The following GPRC5B variants were observed in gnomAD, a reference collection of about 807,000 sequenced individuals.
GPRC5B encodes the protein G protein-coupled receptor family C group 5 member B.
A neutral mutation model predicts 30.1 loss-of-function variants in GPRC5B; 16 were observed. The ratio of observed to expected loss-of-function variants is 0.53; its 90% CI spans 0.36 to 0.81. The LOEUF (loss-of-function observed/expected upper bound fraction) is 0.81, where lower values mean the gene tolerates loss of function less well. Ranked by LOEUF, GPRC5B falls within the 30% of genes least tolerant of loss-of-function variation. The probability of loss-of-function intolerance (pLI) is 0.01; values close to 1 mark genes in which losing one functional copy is unlikely to be tolerated. For missense variants in GPRC5B, 428 were observed against 544.7 expected (o/e 0.79, Z 2.13); for synonymous variants, 241 against 239.5 (o/e 1.01, Z -0.06).
intron 1 of GPRC5B, among the ~76,000 whole-genome samples, chr16:19,875,307 G>A (rs991104198): frequency 3.9e-5 from 6 of 152,202 alleles, no homozygotes; most frequent in South Asian, 4.1e-4. Context: ...CCCAGGCATC[G>A]GTCGGCCTGC....
chr16:19,872,865 G>A lies in GPRC5B; in HGVS notation c.-1-19C>T. The A allele has an allele frequency of 2.5e-6, 4 of 1,579,732 alleles. No homozygotes were observed. The highest frequency in any genetic ancestry group is 3.5e-6 in the Non-Finnish European group (4 of 1,152,246). On this transcript the variant is annotated intron_variant, in intron 1 of 3. Coordinates refer to ENST00000300571, the MANE Select transcript of GPRC5B (RefSeq NM_016235.3). The surrounding 1 kb of genome is among the most constrained non-coding windows in gnomAD (Gnocchi z 5.0). ...GAACATTCTAGAAAAGCCAAGAGGG[G>A]AATGGTTGGGGGGAAGGAAAGATGA...
At chr16:19,873,300 T>TA (rs1379561500) in intron 1 of GPRC5B, among the ~76,000 whole-genome samples, 2 of 151,530 alleles carry the variant, frequency 1.3e-5, no homozygotes, top group African/African-American at 4.8e-5. Context: ...CCGTCTCTAC[T>TA]AAAAAATACA....
At chr16:19,871,688 T>C (rs2056720502) in intron 2 of GPRC5B, 128 bp downstream of exon 2, 1 of 792,702 alleles carries the variant, frequency 1.3e-6, no homozygotes, top group African/African-American at 1.7e-5. Context: ...GAGTCAACAT[T>C]TGTGGGTTCT....
intron 1 of GPRC5B, among the ~76,000 whole-genome samples, chr16:19,878,717 G>A (rs1434704121): frequency 6.6e-6 from 1 of 152,176 alleles, no homozygotes; most frequent in East Asian, 1.9e-4. Context: ...CACTTGGGCA[G>A]TGCTCACAAT....
intron 2 of GPRC5B, among the ~76,000 whole-genome samples, chr16:19,864,015 T>C (rs894461249): frequency 2.0e-5 from 3 of 151,978 alleles, no homozygotes; most frequent in African/African-American, 4.8e-5. Context: ...CCTACTCACA[T>C]TGGATTTTTT....
At chr16:19,867,290 T>C (rs1369833120) in intron 2 of GPRC5B, among the ~76,000 whole-genome samples, 1 of 152,222 alleles carries the variant, frequency 6.6e-6, no homozygotes, top group African/African-American at 2.4e-5. Context: ...TGGCTCTGCC[T>C]GGATTTAAAC....
At position 19,872,520 on chromosome 16, in the gene GPRC5B, AGCCCAAAGAG is replaced by A; in HGVS notation, c.316_325del (p.Leu106Ter). 6.2e-7 allele frequency: 1 copy of A among 1,614,094 alleles called. No individual in the cohort carries two copies. The highest frequency in any genetic ancestry group is 8.5e-7 in the Non-Finnish European group (1 of 1,179,906). On this transcript the variant is annotated frameshift_variant, in exon 2 of 4. Transcript: ENST00000300571. LOFTEE classifies it high-confidence loss of function. The surrounding 1 kb of genome is among the most constrained non-coding windows in gnomAD (Gnocchi z 5.0). ...CTCCTGGATGATGAAGGCAAACGTCAGCCCAAAGAGGCCCAGGGTCCCCAGGAGGAACAGA... is the reference window on the plus strand; with the variant it reads ...CTCCTGGATGATGAAGGCAAACGTCAGCCCAGGGTCCCCAGGAGGAACAGA...
intron 2 of GPRC5B, among the ~76,000 whole-genome samples, chr16:19,865,874 A>C (rs2056662293): frequency 6.6e-6 from 1 of 152,188 alleles, no homozygotes; most frequent in Non-Finnish European, 1.5e-5. Context: ...GAGAGCTTAA[A>C]AAATACCTAA....
chr16:19,885,020 C>A (rs1008231631), upstream of GPRC5B: 15 of 571,188 alleles, frequency 2.6e-5, no homozygotes, highest in Non-Finnish European at 3.7e-5. This position sits in a 1 kb window ranked among gnomAD's most constrained non-coding sequence, Gnocchi z 5.3. Flanking sequence ...TCTGCATGCA[C>A]CCCCGGAGCC....
rs2056610870 is a variant in GPRC5B, at chr16:19,860,334, C to T, written c.*166G>A. 8 of 596,334 alleles carry T rather than the reference C, an allele frequency of 1.3e-5. No homozygotes were observed. The highest frequency in any genetic ancestry group is 5.8e-5 in the Admixed American group (2 of 34,642). The allele number at this position is 596,334 out of a possible 1,614,324, so 36.9% of individuals were successfully genotyped here. A position where few individuals can be genotyped will look rare whatever the true frequency, so the allele number is the denominator to read the frequency against. Reference sequence around the variant, plus strand: ...GGCAGTCGGTGTTAGCTTTTCAGTTCGTCAGTGTTCACATTTACACGAAAT... The same window carrying T: ...GGCAGTCGGTGTTAGCTTTTCAGTTTGTCAGTGTTCACATTTACACGAAAT... On this transcript the variant is annotated 3_prime_UTR_variant, in exon 4 of 4. Transcript: ENST00000300571.
chr16:19,873,526 A>G (rs1268235543), intron 1 of GPRC5B, among the ~76,000 whole-genome samples: 1 of 151,846 alleles, frequency 6.6e-6, no homozygotes, highest in African/African-American at 2.4e-5. Flanking sequence ...CTTTAAAGAC[A>G]CAGCCACAGG....
At chr16:19,868,072 A>G (rs1306461369) in intron 2 of GPRC5B, among the ~76,000 whole-genome samples, 5 of 150,848 alleles carry the variant, frequency 3.3e-5, no homozygotes, top group Non-Finnish European at 5.9e-5. Context: ...ATCTAGAAAA[A>G]CAAAACAAAA....
rs971096988 is a variant in GPRC5B, at chr16:19,865,989, G to C, written c.1031-4016C>G. On this transcript the variant is annotated intron_variant, in intron 2 of 3. Transcript: ENST00000300571. ...CTGTCGCCCAGGCTGGAGTGCGGTGGCGTGATCTCAGCTCACTGCAACCTC... is the reference window on the plus strand; with the variant it reads ...CTGTCGCCCAGGCTGGAGTGCGGTGCCGTGATCTCAGCTCACTGCAACCTC... Among the ~76,000 whole-genome samples, 119 of 152,022 alleles carry C rather than the reference G, an allele frequency of 7.8e-4. 1 individual carries two copies. Among genetic ancestry groups the C allele is most frequent in the Admixed American group, 9.2e-4 (14 of 15,262 alleles).
chr16:19,880,506 G>C (rs371023314), intron 1 of GPRC5B, among the ~76,000 whole-genome samples: 6 of 150,708 alleles, frequency 4.0e-5, no homozygotes, highest in Non-Finnish European at 5.9e-5. Context: ...TTAGGTTTTT[G>C]TCCACTGCTG....
In GPRC5B at chr16:19,872,509, A is replaced by C. The variant is rs1363577094; in HGVS notation, c.337T>G (p.Phe113Val). The change falls in exon 2 of 4, where the codon TTC (phenylalanine) becomes GTC (valine). Residue 113 changes from phenylalanine to valine, a missense_variant. This residue lies in a region of GPRC5B where 196 missense variants were observed against 272.6 expected (regional missense o/e 0.72). Transcript: ENST00000300571. This position sits in a 1 kb window ranked among gnomAD's most constrained non-coding sequence, Gnocchi z 5.0. The stretch of plus-strand genomic sequence containing the variant: ...ATGGTCTCGTCCTCCTGGATGATGA[A>C]GGCAAACGTCAGCCCAAAGAGGCCC... ...TLGLFGLTFA[F>V]IIQEDETICS... 3 of 1,613,972 alleles carry C rather than the reference A, an allele frequency of 1.9e-6. No homozygotes were observed. The highest frequency in any genetic ancestry group is 1.1e-5 in the South Asian group (1 of 91,080).
At chr16:19,885,253 C>T, upstream of GPRC5B, 1 of 1,287,946 alleles carries the variant, frequency 7.8e-7, no homozygotes. This position sits in a 1 kb window ranked among gnomAD's most constrained non-coding sequence, Gnocchi z 5.3. Context: ...CTTCCTGCCC[C>T]CAGGCCACGC....
intron 3 of GPRC5B, among the ~76,000 whole-genome samples, chr16:19,861,009 C>T (rs1321673167): frequency 1.4e-5 from 2 of 145,982 alleles, no homozygotes; most frequent in African/African-American, 5.2e-5. Context: ...CCAATGCAAA[C>T]CAATGCCTAG....
chr16:19,865,739 C>G (rs186523316), intron 2 of GPRC5B, among the ~76,000 whole-genome samples: 139 of 152,200 alleles, frequency 9.1e-4, no homozygotes, highest in African/African-American at 3.2e-3. Context: ...TATTCACCAG[C>G]TGAAGATTAA....
intron 1 of GPRC5B, among the ~76,000 whole-genome samples, chr16:19,873,712 C>A (rs1384853737): frequency 1.3e-5 from 2 of 152,192 alleles, no homozygotes; most frequent in African/African-American, 2.4e-5. Context: ...AGGTGACAAC[C>A]TTTGCACAAG....
Sources: gnomAD v4.1 joint callset for allele counts (sites outside exome capture counted in the v4.1 genomes callset) on GRCh38, gnomAD v4.1.1 for gene constraint, gnomAD v4.1.1 regional missense constraint, Gnocchi (gnomAD v3.1) non-coding constraint, MANE v1.5 for transcripts, NCBI Gene and HGNC (gene_info 2026-07-23, HGNC 2026-07-21) for gene names.